RARB: variants seen among roughly 807,000 people sequenced by gnomAD.
RARB encodes the protein HBV-activated protein.
Under a neutral mutation model 51.9 loss-of-function variants are expected in RARB, and 17 were observed. The observed-to-expected ratio is 0.33, with a 90% CI of 0.22 to 0.49. The LOEUF (loss-of-function observed/expected upper bound fraction) is 0.49. Ranked by LOEUF, RARB falls within the 20% of genes least tolerant of loss-of-function variation. The probability of loss-of-function intolerance (pLI) is 0.99; values close to 1 mark genes in which losing one functional copy is unlikely to be tolerated. For missense variants in RARB, 369 were observed against 550.8 expected (o/e 0.67, Z 3.30); for synonymous variants, 215 against 195.4 (o/e 1.10, Z -0.84).
At chr3:24,933,142 TGAATC>T (rs1695475924) in intron 2 of RARB, among the ~76,000 whole-genome samples, 1 of 152,092 alleles carries the variant, frequency 6.6e-6, no homozygotes, top group African/African-American at 2.4e-5. Context: ...CCCTGTAATA[TGAATC>T]TTTTTAAAAA....
rs59370130 is a variant in RARB, at chr3:25,399,396, C to G, written c.179-61797C>G. 8.8e-3 allele frequency among the ~76,000 whole-genome samples: 1,344 copies of G among 152,292 alleles called. 19 individuals are homozygous for G. Among genetic ancestry groups the G allele is most frequent in the African/African-American group, 0.03 (1,267 of 41,556 alleles). On this transcript the variant is annotated intron_variant, in intron 5 of 11. Coordinates refer to the RARB transcript ENST00000383772. ...TAGCCATGTGACACAGTCTGGACCA[C>G]CTAGATGTAAAGACAGTCACTGGAT...
chr3:25,201,836 TA>T (rs1701398578), intron 5 of RARB, among the ~76,000 whole-genome samples: 1 of 152,330 alleles, frequency 6.6e-6, no homozygotes, highest in East Asian at 1.9e-4. Flanking sequence ...GGTTTGCCAG[TA>T]TTTTACTGAG....
chr3:25,307,087 T>TA (rs1242945810), intron 5 of RARB, among the ~76,000 whole-genome samples: 1 of 152,084 alleles, frequency 6.6e-6, no homozygotes, highest in Non-Finnish European at 1.5e-5. Context: ...CCAAATTAGT[T>TA]AAAAATTATA....
chr3:25,025,869 C>A (rs772885199), intron 2 of RARB, among the ~76,000 whole-genome samples: 1 of 152,060 alleles, frequency 6.6e-6, no homozygotes, highest in Non-Finnish European at 1.5e-5. Context: ...GATAAGAAAT[C>A]TGTAGGAGCT....
At chr3:25,483,839 C>T (rs1237523737) in intron 2 of RARB, among the ~76,000 whole-genome samples, 1 of 152,072 alleles carries the variant, frequency 6.6e-6, no homozygotes, top group Admixed American at 6.6e-5. Flanking sequence ...ATTAATGTGA[C>T]AGGGAGTCGG....
intron 3 of RARB, among the ~76,000 whole-genome samples, chr3:25,067,944 C>G (rs1489828220): frequency 1.3e-5 from 2 of 151,724 alleles, no homozygotes; most frequent in Non-Finnish European, 2.9e-5. Context: ...TGAGACCAGG[C>G]TGGCCGGCAT....
At chr3:25,412,424 G>T in intron 5 of RARB, among the ~76,000 whole-genome samples, 1 of 152,046 alleles carries the variant, frequency 6.6e-6, no homozygotes, top group East Asian at 1.9e-4. Context: ...CTAGTTCTAT[G>T]GTGACTCACA....
chr3:25,511,055 G>A (rs1025888868), intron 3 of RARB, among the ~76,000 whole-genome samples: 5 of 152,194 alleles, frequency 3.3e-5, no homozygotes, highest in African/African-American at 1.2e-4. Context: ...CTTCACAATT[G>A]AGCATGGCTT....
At chr3:25,362,867 C>G (rs776058046) in intron 5 of RARB, among the ~76,000 whole-genome samples, 1 of 152,178 alleles carries the variant, frequency 6.6e-6, no homozygotes, top group Non-Finnish European at 1.5e-5. Context: ...AGATCACCAG[C>G]CTTCTGCGTT....
chr3:25,445,666 CA>C (rs555090587), intron 1 of RARB, among the ~76,000 whole-genome samples: 2 of 149,824 alleles, frequency 1.3e-5, no homozygotes, highest in Admixed American at 1.3e-4. Context: ...GACTCCTTCT[CA>C]AAAAAAAATA....
intron 5 of RARB, among the ~76,000 whole-genome samples, chr3:25,278,138 G>T (rs1039684496): frequency 6.6e-6 from 1 of 152,140 alleles, no homozygotes; most frequent in East Asian, 1.9e-4. Flanking sequence ...GCCATTATGA[G>T]CATTGTAGCT....
intron 5 of RARB, among the ~76,000 whole-genome samples, chr3:25,330,338 G>C (rs1273629951): frequency 6.6e-6 from 1 of 152,238 alleles, no homozygotes; most frequent in African/African-American, 2.4e-5. Flanking sequence ...CTGCAAGCCA[G>C]AAGAGAGTGG....
chr3:25,508,405 A>G (rs1018755655), intron 3 of RARB, among the ~76,000 whole-genome samples: 6 of 152,160 alleles, frequency 3.9e-5, no homozygotes, highest in Admixed American at 2.0e-4. Context: ...TTAAACTTAG[A>G]TTAAAACAAA....
At chr3:25,419,456 T>TC (rs370773151) in intron 5 of RARB, among the ~76,000 whole-genome samples, 6 of 152,128 alleles carry the variant, frequency 3.9e-5, no homozygotes, top group African/African-American at 1.4e-4. Flanking sequence ...AACTTGGGCC[T>TC]CCTCAAGCAG....
chr3:24,893,571 G>A (rs1008643516), intron 2 of RARB, among the ~76,000 whole-genome samples: 3 of 152,130 alleles, frequency 2.0e-5, no homozygotes, highest in African/African-American at 7.2e-5. Context: ...GTCTAGGCTG[G>A]AGTGCAGTAG....
intron 2 of RARB, among the ~76,000 whole-genome samples, chr3:24,895,563 T>A (rs1241347833): frequency 6.6e-6 from 1 of 152,160 alleles, no homozygotes; most frequent in Non-Finnish European, 1.5e-5. Context: ...TACGCTTTTT[T>A]TTTTCTTTCT....
intron 1 of RARB, among the ~76,000 whole-genome samples, chr3:25,445,530 G>T (rs1354458385): frequency 1.3e-5 from 2 of 152,068 alleles, no homozygotes; most frequent in African/African-American, 4.8e-5. Flanking sequence ...ACCTGGCATG[G>T]TGGGGGCACG....
chr3:24,910,238 G>A (rs532863503), intron 2 of RARB, among the ~76,000 whole-genome samples: 1 of 152,016 alleles, frequency 6.6e-6, no homozygotes, highest in African/African-American at 2.4e-5. Flanking sequence ...GGGAAATTGG[G>A]GGTGCTGGCA....
intron 5 of RARB, 140 bp from the exon 6 acceptor site, chr3:25,593,363 G>T (rs1701689104): frequency 2.6e-6 from 2 of 756,448 alleles, no homozygotes; most frequent in African/African-American, 3.5e-5. Flanking sequence ...AAGAGCTAAA[G>T]AAGACATTCA....
Sources: allele counts gnomAD v4.1 joint callset (sites outside exome capture counted in the v4.1 genomes callset), GRCh38; gene constraint gnomAD v4.1.1; transcripts MANE v1.5; gene names NCBI Gene and HGNC (gene_info 2026-07-23, HGNC 2026-07-21).